Variants in TLN2 observed in about 807,000 individuals in gnomAD.
The protein encoded by TLN2 is talin-2.
In TLN2, 118 loss-of-function variants were observed where a neutral mutation model predicts 294.7. That is an observed-to-expected ratio of 0.40 (90% CI 0.34 to 0.47). The LOEUF is 0.47. TLN2 is among the 20% of genes least tolerant of loss of function. TLN2 has a pLI of 0.84. For missense variants in TLN2, 3,083 were observed against 3,282.2 expected, an observed-to-expected ratio of 0.94 and a Z score of 1.48; for synonymous variants, 1,431 against 1,304.5, an observed-to-expected ratio of 1.10 and a Z score of -2.09.
At chr15:62,630,178 T>G (rs1239298968) in intron 3 of TLN2, among the ~76,000 whole-genome samples, 1 of 152,142 alleles carries the variant, frequency 6.6e-6, no homozygotes, top group Non-Finnish European at 1.5e-5. Flanking sequence ...CATTTTTGCT[T>G]ATTAGTAGGT....
chr15:62,699,335 A>G (rs548044229), intron 16 of TLN2, among the ~76,000 whole-genome samples: 1 of 151,570 alleles, frequency 6.6e-6, no homozygotes, highest in Non-Finnish European at 1.5e-5. Context: ...AGCATCCATC[A>G]GCATCATCCG....
rs773372040 is a variant in TLN2, at chr15:62,838,884, C to T, written c.7403C>T (p.Ser2468Leu). 1.2e-6 allele frequency: 2 copies of T among 1,610,358 alleles called. No individual in the cohort carries two copies. Among genetic ancestry groups the T allele is most frequent in the Non-Finnish European group, 1.7e-6 (2 of 1,179,968 alleles). Residue 2468 changes from serine (S) to leucine (L), a missense_variant, in exon 58 of 59, where the codon TCA becomes TTA. By Grantham distance (145) the Ser-to-Leu change is moderately radical. Transcript: ENST00000636159. Reference protein sequence around the residue: ...QAAGNAVKRASDNLVRAAQKA... With the variant: ...QAAGNAVKRALDNLVRAAQKA... Reference sequence around the variant, plus strand: ...GCAGGAAATGCTGTGAAAAGAGCCTCAGACAATCTTGTCCGTGCAGCCCAG... The same window carrying T: ...GCAGGAAATGCTGTGAAAAGAGCCTTAGACAATCTTGTCCGTGCAGCCCAG...
intron 32 of TLN2, among the ~76,000 whole-genome samples, chr15:62,744,801 C>T (rs1777096614): frequency 1.3e-5 from 2 of 152,214 alleles, no homozygotes; most frequent in East Asian, 3.9e-4. Context: ...CCACCTCGGC[C>T]TCCCAAAGTG....
At chr15:62,653,410 A>T in intron 7 of TLN2, 96 bp downstream of exon 7, 1 of 1,389,738 alleles carries the variant, frequency 7.2e-7, no homozygotes, top group East Asian at 2.6e-5. Flanking sequence ...AGGACTTTTG[A>T]TTTTTGTTTT....
chr15:62,734,522 C>T (rs975707800), intron 28 of TLN2, among the ~76,000 whole-genome samples: 2 of 152,224 alleles, frequency 1.3e-5, no homozygotes, highest in African/African-American at 4.8e-5. Context: ...CATCCTTCAA[C>T]CCTGTGCCAA....
Position 62,652,097 on chromosome 15 carries a change from T to C in TLN2, c.327T>C (p.Thr109=). 1 of 1,608,192 alleles carries C rather than the reference T, an allele frequency of 6.2e-7. No individual in the cohort carries two copies. ...VKTVMVDDSK[T]VGELLVTICS... is the part of the protein sequence containing the mutation. ...CAGTGATGGTGGATGATTCCAAGACTGTGGGGGAGCTCCTGGTCACTATTT... is the reference window on the plus strand; with the variant it reads ...CAGTGATGGTGGATGATTCCAAGACCGTGGGGGAGCTCCTGGTCACTATTT... Residue 109 remains threonine (T), a synonymous_variant, in exon 6 of 59, where the codon ACT becomes ACC. Transcript: ENST00000636159.
At chr15:62,417,386 T>G (rs2034144397) in intron 1 of TLN2, among the ~76,000 whole-genome samples, 1 of 152,214 alleles carries the variant, frequency 6.6e-6, no homozygotes, top group Admixed American at 6.5e-5. Flanking sequence ...CTTTACATGC[T>G]TTTTAGACCA....
chr15:62,810,557 G>A (rs962703443), intron 52 of TLN2, among the ~76,000 whole-genome samples: 1 of 152,064 alleles, frequency 6.6e-6, no homozygotes, highest in African/African-American at 2.4e-5. Flanking sequence ...TGTGCCTAGT[G>A]TGGAGCTGGG....
At position 62,617,978 on chromosome 15, in the gene TLN2, T is replaced by C. The variant is rs191441589; in HGVS notation, c.-161-373T>C. On this transcript the variant is annotated intron_variant, in intron 2 of 58. Transcript: ENST00000636159. The stretch of plus-strand genomic sequence containing the variant: ...CAGGCAATTCTTTTTTTTTTTTTTT[T>C]TGTAGAGACAGAATCTCACTATGTT... 1.6e-3 allele frequency among the ~76,000 whole-genome samples: 235 copies of C among 151,508 alleles called. 7 individuals carry two copies. In the East Asian group the frequency reaches 0.036, roughly 23 times the overall value.
chr15:62,725,085 A>C lies in TLN2; in HGVS notation c.3236A>C (p.Lys1079Thr). 1 of 1,612,570 alleles carries C rather than the reference A, an allele frequency of 6.2e-7. No individual in the cohort carries two copies. Among genetic ancestry groups the C allele is most frequent in the Non-Finnish European group, 8.5e-7 (1 of 1,179,360 alleles). The part of the protein sequence containing the change: ...AKMAAVESQL[K>T]PLPGETLEKC... ...ATGGCAGCCGTGGAGAGCCAGCTGAAGCCACTTCCAGGGGAAACGGTGAGC... is the reference window on the plus strand; with the variant it reads ...ATGGCAGCCGTGGAGAGCCAGCTGACGCCACTTCCAGGGGAAACGGTGAGC... Residue 1079 changes from lysine to threonine, a missense_variant, in exon 27 of 59, where the codon AAG becomes ACG. Coordinates refer to ENST00000636159, the MANE Select transcript of TLN2 (RefSeq NM_015059.3).
At chr15:62,499,582 A>G (rs1567033856) in intron 1 of TLN2, among the ~76,000 whole-genome samples, 1 of 152,206 alleles carries the variant, frequency 6.6e-6, no homozygotes, top group Non-Finnish European at 1.5e-5. Context: ...CCACTTTACC[A>G]GTCCTTAAAT....
At chr15:62,514,690 T>C (rs1266992846) in intron 1 of TLN2, among the ~76,000 whole-genome samples, 1 of 152,248 alleles carries the variant, frequency 6.6e-6, no homozygotes, top group Non-Finnish European at 1.5e-5. Context: ...GTAATTGTAA[T>C]TGAAGTGTTA....
chr15:62,721,285 T>C (rs1037771116), intron 25 of TLN2, among the ~76,000 whole-genome samples: 3 of 152,338 alleles, frequency 2.0e-5, no homozygotes, highest in Admixed American at 6.5e-5. Context: ...TAGCAGTATA[T>C]AGAGCATGCT....
At chr15:62,741,748 C>CGTGTGTGTGTGTGTGTGTGTGTGT (rs1555495658) in intron 32 of TLN2, among the ~76,000 whole-genome samples, 217 of 131,152 alleles carry the variant, frequency 1.7e-3, no homozygotes, top group African/African-American at 5.3e-3. Context: ...AAAATTTGCG[C>CGTGTGTGTGTGTGTGTGTGTGTGT]GTGTGTGTGT....
At position 62,390,562 on chromosome 15, in the gene TLN2, G is replaced by C. The variant is rs1046310541; in HGVS notation, c.-361G>C. On this transcript the variant is annotated 5_prime_UTR_variant, in exon 1 of 59. Coordinates refer to ENST00000636159, the MANE Select transcript of TLN2 (RefSeq NM_015059.3). ...GCCCTCGGCTCTTGTTCCGCGCCCGGAGCCAGCGGCGGCGGCAGCGGCTGA... is the reference window on the plus strand; with the variant it reads ...GCCCTCGGCTCTTGTTCCGCGCCCGCAGCCAGCGGCGGCGGCAGCGGCTGA... 7 of 152,122 alleles carry C rather than the reference G, an allele frequency of 4.6e-5. No homozygotes were observed. Among genetic ancestry groups the C allele is most frequent in the Admixed American group, 6.5e-5 (1 of 15,268 alleles). The allele number at this position is 152,122 out of a possible 1,614,324, so 9.4% of individuals were successfully genotyped here. A position where few individuals can be genotyped will look rare whatever the true frequency, so the allele number is the denominator to read the frequency against.
intron 1 of TLN2, among the ~76,000 whole-genome samples, chr15:62,557,926 G>A (rs997528545): frequency 1.3e-5 from 2 of 152,186 alleles, no homozygotes; most frequent in African/African-American, 2.4e-5. Context: ...AAGGTTTTGC[G>A]CCAGTGGTTC....
At chr15:62,814,685 A>C (rs934866663) in intron 52 of TLN2, among the ~76,000 whole-genome samples, 2 of 152,238 alleles carry the variant, frequency 1.3e-5, no homozygotes, top group African/African-American at 4.8e-5. Context: ...CTTTCTAGGG[A>C]ATTATCATAA....
At chr15:62,566,855 CTT>C (rs1013982645) in intron 1 of TLN2, among the ~76,000 whole-genome samples, 1 of 146,736 alleles carries the variant, frequency 6.8e-6, no homozygotes. Flanking sequence ...GCCCAGCCCA[CTT>C]TTTTTTTTTA....
chr15:62,825,770 TTATATA>T lies in TLN2; in HGVS notation c.7002+5161_7002+5166del, dbSNP rs2068021555. On this transcript the variant is annotated intron_variant, in intron 54 of 58. Coordinates refer to ENST00000636159, the MANE Select transcript of TLN2 (RefSeq NM_015059.3). ...TATTAAATATAATTATAATTATATATTATATAATATATTATATATTATAATATATAT... is the reference window on the plus strand; with the variant it reads ...TATTAAATATAATTATAATTATATATATATATTATATATTATAATATATAT... 1.0e-3 allele frequency among the ~76,000 whole-genome samples: 43 copies of T among 42,864 alleles called. No homozygotes were observed. The South Asian group carries it at 0.032, about 32-fold the overall frequency. 28.1% of individuals were successfully genotyped at this position (42,864 alleles called of 152,430 possible).
Sources: gnomAD v4.1 joint callset for allele counts (sites outside exome capture counted in the v4.1 genomes callset) on GRCh38, gnomAD v4.1.1 for gene constraint, MANE v1.5 for transcripts, NCBI Gene and HGNC (gene_info 2026-07-23, HGNC 2026-07-21) for gene names.